The following NEDD1 variants were observed in gnomAD, a reference collection of about 807,000 sequenced individuals.
NEDD1 encodes protein NEDD1.
A neutral mutation model predicts 74.0 loss-of-function variants in NEDD1; 33 were observed. The ratio of observed to expected loss-of-function variants is 0.45; its 90% CI spans 0.34 to 0.60. NEDD1 has a LOEUF of 0.60. Among genes scored for constraint, NEDD1 ranks in the 20% least tolerant of loss-of-function variants. The pLI is 0.01. For missense variants in NEDD1, 746 were observed against 776.5 expected, an observed-to-expected ratio of 0.96 and a Z score of 0.47; for synonymous variants, 250 against 264.4, an observed-to-expected ratio of 0.95 and a Z score of 0.53.
intron 5 of NEDD1, 126 bp downstream of exon 5, chr12:96,917,863 GT>G: frequency 8.5e-7 from 1 of 1,173,816 alleles, no homozygotes; most frequent in Non-Finnish European, 1.1e-6. Flanking sequence ...ACTAAGATTT[GT>G]TAGGGAAAAT....
intron 6 of NEDD1, chr12:96,924,964 T>C (rs1035969554): frequency 2.5e-6 from 1 of 397,794 alleles, no homozygotes; most frequent in South Asian, 1.9e-5. Context: ...AGATATCCTT[T>C]ATCTTATTAG....
At chr12:96,943,848 T>C (rs1488062536) in intron 12 of NEDD1, 86 bp downstream of exon 12, 2 of 738,452 alleles carry the variant, frequency 2.7e-6, no homozygotes, top group East Asian at 5.2e-5. Context: ...TCCTAATTAT[T>C]AGCATTGCTA....
rs1296314454 is a variant in NEDD1 at position 96,953,681 on chromosome 12, T to C, written c.*1628T>C. On this transcript the variant is annotated 3_prime_UTR_variant, in exon 16 of 16. Transcript: ENST00000266742. ...TAAGTATAAAAAATAAAATGTTATA[T>C]GCAAAAAATAGGAAACATGAAATTG... The C allele has an allele frequency of 2.0e-5, 3 of 151,770 alleles. No homozygotes were observed. The highest frequency in any genetic ancestry group is 4.4e-5 in the Non-Finnish European group (3 of 67,790). 9.4% of individuals were successfully genotyped at this position (151,770 alleles called of 1,614,324 possible).
At chr12:96,947,721 G>GT (rs1346662433) in intron 14 of NEDD1, among the ~76,000 whole-genome samples, 4 of 152,302 alleles carry the variant, frequency 2.6e-5, no homozygotes, top group African/African-American at 9.6e-5. Context: ...AGCTTTCGGG[G>GT]TGGCTGGAGC....
intron 6 of NEDD1, 110 bp from the exon 7 acceptor site, chr12:96,934,866 A>G: frequency 4.2e-6 from 3 of 719,458 alleles, no homozygotes; most frequent in Non-Finnish European, 7.2e-6. Flanking sequence ...ACATCAGAGA[A>G]ATCCTAAACC....
Position 96,917,688 on chromosome 12 carries a change from C to A in NEDD1, c.299C>A (p.Thr100Asn). 2 of 1,557,924 alleles carry A rather than the reference C, an allele frequency of 1.3e-6. No homozygotes were observed. The highest frequency in any genetic ancestry group is 1.3e-5 in the South Asian group (1 of 79,254). ...TTGGTAAGCGGAGGCCTAAATAACA[C>A]TGTTAATATTTGGGATTTAAAATCA... ...MYLVSGGLNNTVNIWDLKSKR... is the reference protein window; with the variant it reads ...MYLVSGGLNNNVNIWDLKSKR... Residue 100 changes from threonine to asparagine, a missense_variant, in exon 5 of 16, where the codon ACT becomes AAT. This residue lies in a region of NEDD1 where 706 missense variants were observed against 706.7 expected (regional missense o/e 1.00). Transcript: ENST00000266742.
chr12:96,925,903 T>G (rs1411653102), intron 6 of NEDD1, among the ~76,000 whole-genome samples: 6 of 152,170 alleles, frequency 3.9e-5, no homozygotes, highest in Non-Finnish European at 5.9e-5. Flanking sequence ...ACGTGGTAAG[T>G]CCCACATTTA....
intron 4 of NEDD1, 103 bp downstream of exon 4, chr12:96,912,920 G>A (rs757502529): frequency 1.7e-6 from 1 of 601,758 alleles, no homozygotes; most frequent in Non-Finnish European, 2.9e-6. Context: ...GTTTTTAAAA[G>A]CATTATTTTT....
At chr12:96,918,419 C>G (rs1874704298) in intron 5 of NEDD1, among the ~76,000 whole-genome samples, 1 of 149,836 alleles carries the variant, frequency 6.7e-6, no homozygotes, top group Non-Finnish European at 1.5e-5. Flanking sequence ...AAAATATAAA[C>G]ATATTTATAT....
At chr12:96,942,036 A>G (rs1301625056) in intron 10 of NEDD1, among the ~76,000 whole-genome samples, 1 of 152,126 alleles carries the variant, frequency 6.6e-6, no homozygotes, top group African/African-American at 2.4e-5. Flanking sequence ...AATTTTTGTT[A>G]TGGACTGGCA....
In NEDD1 at chr12:96,945,899, T is replaced by C. The variant is rs778800811; in HGVS notation, c.1811+50T>C. The C allele has an allele frequency of 4.1e-6, 5 of 1,219,670 alleles. No individual in the cohort carries two copies. In the East Asian group the frequency reaches 9.3e-5, roughly 23 times the overall value. 75.6% of individuals were successfully genotyped at this position (1,219,670 alleles called of 1,614,324 possible). A position where few individuals can be genotyped will look rare whatever the true frequency, so the allele number is the denominator to read the frequency against. On this transcript the variant is annotated intron_variant, in intron 14 of 15. Transcript: ENST00000266742. Reference sequence around the variant, plus strand: ...CTATCTAGACCTTACTTGTTTTTTTTTTAGATGTAAAACCAGAACTATAGA... The same window carrying C: ...CTATCTAGACCTTACTTGTTTTTTTCTTAGATGTAAAACCAGAACTATAGA...
At position 96,930,950 on chromosome 12, in the gene NEDD1, A is replaced by C. The variant is rs572013717; in HGVS notation, c.490-4026A>C. 1.4e-4 allele frequency among the ~76,000 whole-genome samples: 21 copies of C among 152,338 alleles called. 1 individual carries two copies. The highest frequency in any genetic ancestry group is 4.6e-4 in the African/African-American group (19 of 41,582). ...TGAAAGGATTTTAAGCAAAAGACAAATATGTTGAGATTTTTCAGGTTTGAA... is the reference window on the plus strand; with the variant it reads ...TGAAAGGATTTTAAGCAAAAGACAACTATGTTGAGATTTTTCAGGTTTGAA... On this transcript the variant is annotated intron_variant, in intron 6 of 15. Coordinates refer to ENST00000266742, the MANE Select transcript of NEDD1 (RefSeq NM_152905.4).
chr12:96,909,993 G>A (rs1873747507), intron 3 of NEDD1, 98 bp downstream of exon 3: 2 of 1,317,078 alleles, frequency 1.5e-6, no homozygotes, highest in Admixed American at 2.5e-5. Flanking sequence ...GCCTCATACT[G>A]AGTAATGTGT....
In NEDD1 at chr12:96,943,780, A is replaced by G. The variant is rs368008254; in HGVS notation, c.1497+18A>G. The G allele has an allele frequency of 5.3e-6, 8 of 1,512,686 alleles. No individual in the cohort carries two copies. The highest frequency in any genetic ancestry group is 7.3e-6 in the Non-Finnish European group (8 of 1,091,420). The allele number at this position is 1,512,686 out of a possible 1,614,324, so 93.7% of individuals were successfully genotyped here. ...TCAAACAGGTATTTGCCTGAAAATG[A>G]TACTGAACTCACTGTATGTGTTTAT... is the stretch of plus-strand genomic sequence containing the variant. On this transcript the variant is annotated intron_variant, in intron 12 of 15. Coordinates refer to ENST00000266742, the MANE Select transcript of NEDD1 (RefSeq NM_152905.4).
rs1878684280 is a variant in NEDD1, at chr12:96,951,307, TTTA to T, written c.1812-117_1812-115del. On this transcript the variant is annotated intron_variant, in intron 14 of 15. Transcript: ENST00000266742. Reference sequence around the variant, plus strand: ...AATAAATGCTCAGTGCATTGGTATTTTTATTATTATAGTAATTATTAACATTCA... The same window carrying T: ...AATAAATGCTCAGTGCATTGGTATTTTTATTATAGTAATTATTAACATTCA... 3 of 522,082 alleles carry T rather than the reference TTTA, an allele frequency of 5.7e-6. No individual in the cohort carries two copies. In the African/African-American group the frequency reaches 6.0e-5, roughly 10 times the overall value. The allele number at this position is 522,082 out of a possible 1,614,324, so 32.3% of individuals were successfully genotyped here. A position where few individuals can be genotyped will look rare whatever the true frequency, so the allele number is the denominator to read the frequency against.
chr12:96,936,305 G>A (rs1877081990), intron 7 of NEDD1, among the ~76,000 whole-genome samples: 1 of 152,186 alleles, frequency 6.6e-6, no homozygotes, highest in Non-Finnish European at 1.5e-5. Context: ...AGACAGTTCT[G>A]CTACATTCAC....
chr12:96,936,702 A>G lies in NEDD1; in HGVS notation c.811A>G (p.Lys271Glu), dbSNP rs773361686. The change falls in exon 8 of 16, where the codon AAA becomes GAA. Residue 271 changes from lysine (K) to glutamate (E), a missense_variant. Around this residue, in one of 3 missense-constraint regions of NEDD1, gnomAD observed 706 missense variants for 706.7 expected, o/e 1.00. Coordinates refer to ENST00000266742, the MANE Select transcript of NEDD1 (RefSeq NM_152905.4). ...ATLAIGSSRG[K>E]IYQYDLRMLK... ...TTTGGCTATTGGATCTTCCCGGGGG[A>G]AAATATATCAATATGATTTAAGAAT... 1 of 1,613,044 alleles carries G rather than the reference A, an allele frequency of 6.2e-7. No individual in the cohort carries two copies. Among genetic ancestry groups the G allele is most frequent in the Non-Finnish European group, 8.5e-7 (1 of 1,179,102 alleles).
At chr12:96,948,814 T>A (rs911655589) in intron 14 of NEDD1, among the ~76,000 whole-genome samples, 1 of 152,284 alleles carries the variant, frequency 6.6e-6, no homozygotes, top group Admixed American at 6.5e-5. Context: ...ATTCACTGTC[T>A]TTTTTACCTT....
chr12:96,943,654 T>A lies in NEDD1; in HGVS notation c.1389T>A (p.Asn463Lys), dbSNP rs1339384292. 1 of 1,611,648 alleles carries A rather than the reference T, an allele frequency of 6.2e-7. No homozygotes were observed. ...STSVLHSSPL[N>K]VFMGSPGKEE... ...CAGTATTGCATTCTAGTCCTCTTAA[T>A]GTTTTTATGGGATCTCCAGGGAAAG... is the stretch of plus-strand genomic sequence containing the variant. Residue 463 changes from asparagine to lysine, a missense_variant, in exon 12 of 16, where the codon AAT becomes AAA. By Grantham distance (94) the Asn-to-Lys change is moderately conservative. This residue lies in a region of NEDD1 where 706 missense variants were observed against 706.7 expected (regional missense o/e 1.00). Transcript: ENST00000266742.
Sources: allele counts gnomAD v4.1 joint callset (sites outside exome capture counted in the v4.1 genomes callset), GRCh38; gene constraint gnomAD v4.1.1; regional missense constraint gnomAD v4.1.1; transcripts MANE v1.5; gene names NCBI Gene and HGNC (gene_info 2026-07-23, HGNC 2026-07-21).